Variants in CRACD observed in about 807,000 individuals in gnomAD.
CRACD encodes the protein capping protein inhibiting regulator of actin dynamics.
CRACD carries 56 observed loss-of-function variants against 106.8 expected under a neutral mutation model. The ratio of observed to expected loss-of-function variants is 0.52; its 90% CI spans 0.42 to 0.66. The LOEUF is 0.66. CRACD is among the 30% of genes least tolerant of loss of function. The pLI is 0.00. For missense variants in CRACD, 1,730 were observed against 1,623.2 expected, an observed-to-expected ratio of 1.07 and a Z score of -1.13; for synonymous variants, 754 against 670.8, an observed-to-expected ratio of 1.12 and a Z score of -1.92.
At position 56,302,986 on chromosome 4, in the gene CRACD, T is replaced by C. The variant is rs554974778; in HGVS notation, c.121-4549T>C. Among the ~76,000 whole-genome samples the C allele has an allele frequency of 2.6e-5, 4 of 152,306 alleles. No homozygotes were observed. In the South Asian group the frequency reaches 8.3e-4, roughly 32 times the overall value. On this transcript the variant is annotated intron_variant, in intron 4 of 10. Coordinates refer to ENST00000682029, the MANE Select transcript of CRACD (RefSeq NM_001393381.1). Reference sequence around the variant, plus strand: ...ACTCCATTCATGGCCACCAGCAACATGGAGTGTCAGTTGAGGCACAGATTT... The same window carrying C: ...ACTCCATTCATGGCCACCAGCAACACGGAGTGTCAGTTGAGGCACAGATTT...
At chr4:56,298,382 T>TA in intron 4 of CRACD, 33 bp downstream of exon 4, 1 of 1,610,918 alleles carries the variant, frequency 6.2e-7, no homozygotes, top group Non-Finnish European at 8.5e-7. Flanking sequence ...TTACGAGCCA[T>TA]AGGAGGGGCC....
At chr4:56,231,944 T>G (rs2109537066) in intron 2 of CRACD, among the ~76,000 whole-genome samples, 1 of 152,368 alleles carries the variant, frequency 6.6e-6, no homozygotes, top group Admixed American at 6.5e-5. Flanking sequence ...GTGTTGTGTA[T>G]ATGCTATGCA....
At chr4:56,156,241 C>A (rs556639207) in intron 1 of CRACD, among the ~76,000 whole-genome samples, 1 of 152,340 alleles carries the variant, frequency 6.6e-6, no homozygotes, top group South Asian at 2.1e-4. Context: ...GGATTACAGG[C>A]ATGAGCCACC....
chr4:56,083,806 T>A (rs943127437), intron 1 of CRACD, among the ~76,000 whole-genome samples: 3 of 151,848 alleles, frequency 2.0e-5, no homozygotes, highest in African/African-American at 7.3e-5. Flanking sequence ...AGAAACCCCA[T>A]CTCTACAAAA....
chr4:56,260,911 A>G (rs62310601), intron 2 of CRACD, among the ~76,000 whole-genome samples: 3 of 95,382 alleles, frequency 3.1e-5, no homozygotes, highest in Admixed American at 2.4e-4. Flanking sequence ...CCATCCATCC[A>G]TCCATCCATC....
intron 1 of CRACD, among the ~76,000 whole-genome samples, chr4:56,058,471 G>A (rs1341024495): frequency 6.6e-6 from 1 of 152,126 alleles, no homozygotes; most frequent in African/African-American, 2.4e-5. Flanking sequence ...TCTTTTGCCT[G>A]TGTTCTGAAG....
At chr4:56,084,908 C>T (rs1733162332) in intron 1 of CRACD, among the ~76,000 whole-genome samples, 1 of 152,118 alleles carries the variant, frequency 6.6e-6, no homozygotes, top group Non-Finnish European at 1.5e-5. Flanking sequence ...GATCGGATTG[C>T]ATATAAAGCT....
At chr4:56,300,678 G>C (rs1744317887) in intron 4 of CRACD, among the ~76,000 whole-genome samples, 1 of 152,164 alleles carries the variant, frequency 6.6e-6, no homozygotes, top group Non-Finnish European at 1.5e-5. Context: ...TATTTTATGA[G>C]AGCTTTTTAG....
intron 3 of CRACD, among the ~76,000 whole-genome samples, chr4:56,281,986 C>T (rs937591537): frequency 3.3e-5 from 5 of 152,084 alleles, no homozygotes; most frequent in African/African-American, 1.2e-4. Flanking sequence ...TATCAAATAG[C>T]GTATATTTTG....
At chr4:56,262,856 T>C (rs1741786848) in intron 2 of CRACD, among the ~76,000 whole-genome samples, 1 of 152,180 alleles carries the variant, frequency 6.6e-6, no homozygotes, top group African/African-American at 2.4e-5. Context: ...TGCACTTCGA[T>C]TATTAAAGTG....
chr4:56,193,727 C>T (rs541240071), intron 2 of CRACD, among the ~76,000 whole-genome samples: 1 of 152,252 alleles, frequency 6.6e-6, no homozygotes, highest in South Asian at 2.1e-4. Context: ...GACTCACTTA[C>T]AAATAGTCAA....
intron 1 of CRACD, among the ~76,000 whole-genome samples, chr4:56,118,458 G>C (rs981179795): frequency 6.6e-6 from 1 of 152,234 alleles, no homozygotes. Context: ...ATACAAGTGA[G>C]TAAGTGGGGC....
chr4:56,213,833 A>G (rs543659934), intron 2 of CRACD, among the ~76,000 whole-genome samples: 1 of 152,352 alleles, frequency 6.6e-6, no homozygotes, highest in African/African-American at 2.4e-5. Flanking sequence ...TACTATGGAG[A>G]AACCTTTTGG....
intron 1 of CRACD, among the ~76,000 whole-genome samples, chr4:56,063,636 C>T (rs1190934111): frequency 6.6e-6 from 1 of 151,950 alleles, no homozygotes; most frequent in Non-Finnish European, 1.5e-5. Flanking sequence ...TAAGTGGGAT[C>T]GTAGAATGTT....
At chr4:56,143,341 C>G (rs1284770490) in intron 1 of CRACD, among the ~76,000 whole-genome samples, 1 of 151,908 alleles carries the variant, frequency 6.6e-6, no homozygotes, top group African/African-American at 2.4e-5. Flanking sequence ...TAATTTTTGT[C>G]TTTTTCTCCA....
intron 1 of CRACD, among the ~76,000 whole-genome samples, chr4:56,054,326 G>A (rs1467315898): frequency 6.6e-6 from 1 of 152,082 alleles, no homozygotes; most frequent in Admixed American, 6.6e-5. Context: ...GACCATAGGC[G>A]CATGCCACCA....
intron 2 of CRACD, among the ~76,000 whole-genome samples, 174 bp downstream of exon 2, chr4:56,179,604 C>T (rs1577715971): frequency 6.6e-6 from 1 of 152,180 alleles, no homozygotes; most frequent in South Asian, 2.1e-4. Context: ...AACTCTTCTA[C>T]TTACCAGCTG....
chr4:56,104,686 G>T (rs980191536), intron 1 of CRACD, among the ~76,000 whole-genome samples: 2 of 152,156 alleles, frequency 1.3e-5, no homozygotes, highest in African/African-American at 4.8e-5. Flanking sequence ...TAATTAAATA[G>T]GCCGGGCGCC....
At chr4:56,242,604 GA>G (rs1252615296) in intron 2 of CRACD, among the ~76,000 whole-genome samples, 1 of 152,100 alleles carries the variant, frequency 6.6e-6, no homozygotes, top group Non-Finnish European at 1.5e-5. Flanking sequence ...AAGAACCCCT[GA>G]AAAGCTCAGA....
Sources: allele counts gnomAD v4.1 joint callset (sites outside exome capture counted in the v4.1 genomes callset), GRCh38; gene constraint gnomAD v4.1.1; transcripts MANE v1.5; gene names NCBI Gene and HGNC (gene_info 2026-07-23, HGNC 2026-07-21).